Variants in LTN1 observed in about 807,000 individuals in gnomAD.
LTN1 encodes the protein E3 ubiquitin-protein ligase listerin.
Under a neutral mutation model 201.2 loss-of-function variants are expected in LTN1, and 88 were observed. The observed-to-expected ratio is 0.44, with a 90% CI of 0.37 to 0.52. The LOEUF is 0.52. Ranked by LOEUF, LTN1 falls within the 20% of genes least tolerant of loss-of-function variation. The pLI, the probability that LTN1 is intolerant of heterozygous loss-of-function variation, is 0.00. For missense variants in LTN1, 1,752 were observed against 2,038.7 expected (o/e 0.86, Z 2.71); for synonymous variants, 645 against 713.5 (o/e 0.90, Z 1.53).
In LTN1 at chr21:28,989,798, T is replaced by A. The variant is rs1045042398; in HGVS notation, c.43-2864A>T. Among the ~76,000 whole-genome samples, 4 of 152,064 alleles carry A rather than the reference T, an allele frequency of 2.6e-5. No individual in the cohort carries two copies. The South Asian group carries it at 8.3e-4, about 32-fold the overall frequency. On this transcript the variant is annotated intron_variant, in intron 1 of 29. Coordinates refer to ENST00000361371, the MANE Select transcript of LTN1 (RefSeq NM_015565.3). Reference sequence around the variant, plus strand: ...TGAGCGTATCTTTGGGCAGATCACTTCAGGCCAAGAGTTTGAGACCAGCCT... The same window carrying A: ...TGAGCGTATCTTTGGGCAGATCACTACAGGCCAAGAGTTTGAGACCAGCCT...
intron 1 of LTN1, among the ~76,000 whole-genome samples, chr21:28,989,034 A>G (rs2084724606): frequency 6.6e-6 from 1 of 152,094 alleles, no homozygotes; most frequent in Non-Finnish European, 1.5e-5. Context: ...CTATTTTTTA[A>G]GTTTATTAAA....
In LTN1 at chr21:28,986,528, T is replaced by TA; in HGVS notation, c.246+202dup. ...ATACAGCCAAAATTCCAAAGCACTT[T>TA]AAAAAAGTTCACTGTAACAAACTAA... On this transcript the variant is annotated intron_variant, in intron 2 of 29. Transcript: ENST00000361371. This position sits in a 1 kb window ranked among gnomAD's most constrained non-coding sequence, Gnocchi z 4.1. 1 of 655,492 alleles carries TA rather than the reference T, an allele frequency of 1.5e-6. No individual in the cohort carries two copies. The highest frequency in any genetic ancestry group is 2.7e-6 in the Non-Finnish European group (1 of 376,874). The allele number at this position is 655,492 out of a possible 1,614,324, so 40.6% of individuals were successfully genotyped here.
intron 21 of LTN1, 39 bp downstream of exon 21, chr21:28,945,768 A>G (rs1250609138): frequency 1.3e-6 from 2 of 1,571,252 alleles, no homozygotes; most frequent in Non-Finnish European, 1.7e-6. Flanking sequence ...AGTATGTACA[A>G]AAACCCACAA....
chr21:28,965,071 A>G (rs72635062), intron 11 of LTN1, among the ~76,000 whole-genome samples: 15,739 of 152,226 alleles, frequency 0.1, 1,131 homozygotes, highest in East Asian at 0.33. Flanking sequence ...AAACTGCACA[A>G]CGATGTAAAT....
At chr21:28,943,112 T>C (rs1002258007) in intron 24 of LTN1, 150 bp downstream of exon 24, 10 of 501,222 alleles carry the variant, frequency 2.0e-5, no homozygotes, top group Non-Finnish European at 3.6e-5. Flanking sequence ...GAAATCTATA[T>C]TTCATTTATA....
chr21:28,966,874 A>G lies in LTN1; in HGVS notation c.1617T>C (p.Val539=), dbSNP rs780038891. 2.1e-5 allele frequency: 34 copies of G among 1,608,616 alleles called. No individual in the cohort carries two copies. The highest frequency in any genetic ancestry group is 1.7e-5 in the Admixed American group (1 of 59,356). The change falls in exon 10 of 30, where the codon GTT becomes GTC. Residue 539 remains valine (V), a synonymous_variant. Transcript: ENST00000361371. ...TTTCAAGTATCTCATCAGCAAATCT[A>G]ACCTTACCATTTTTTTTTTTACTTG... ...LKSSKKKNGK[V]RFADEILESN...
chr21:28,936,833 T>C, intron 25 of LTN1, 136 bp from the exon 26 acceptor site: 1 of 653,510 alleles, frequency 1.5e-6, no homozygotes, highest in Non-Finnish European at 2.7e-6. Context: ...TGTAACACAT[T>C]TCTAATATCT....
chr21:28,953,612 T>C (rs887116615), intron 16 of LTN1, among the ~76,000 whole-genome samples: 1 of 152,166 alleles, frequency 6.6e-6, no homozygotes, highest in African/African-American at 2.4e-5. Flanking sequence ...TTCTAATTAG[T>C]TAAGAATGTG....
intron 17 of LTN1, among the ~76,000 whole-genome samples, chr21:28,952,559 G>A (rs761506987): frequency 6.6e-6 from 1 of 152,166 alleles, no homozygotes; most frequent in Non-Finnish European, 1.5e-5. Flanking sequence ...GAAGACCAGA[G>A]GCTGTAGCTG....
chr21:28,983,725 T>G (rs980608704), intron 4 of LTN1, among the ~76,000 whole-genome samples: 2 of 152,268 alleles, frequency 1.3e-5, no homozygotes, highest in Admixed American at 6.5e-5. Flanking sequence ...CAGATGGAAA[T>G]GTTTAAGTAG....
chr21:28,964,780 G>T (rs1266461302), intron 11 of LTN1: 1 of 1,547,766 alleles, frequency 6.5e-7, no homozygotes, highest in Admixed American at 2.0e-5. Flanking sequence ...AGTTGGAAAT[G>T]GATACATTAG....
chr21:28,932,968 G>A (rs1342335552), intron 27 of LTN1, among the ~76,000 whole-genome samples: 2 of 152,116 alleles, frequency 1.3e-5, no homozygotes, highest in Non-Finnish European at 2.9e-5. Context: ...GTGACAGAAT[G>A]GGTTATTATG....
chr21:28,974,596 A>G (rs748964791), intron 6 of LTN1, among the ~76,000 whole-genome samples: 1 of 152,214 alleles, frequency 6.6e-6, no homozygotes, highest in Non-Finnish European at 1.5e-5. Context: ...CTACAACTTC[A>G]GTAGAAAGAC....
intron 12 of LTN1, among the ~76,000 whole-genome samples, chr21:28,960,299 G>T (rs530222484): frequency 6.6e-6 from 1 of 150,798 alleles, no homozygotes; most frequent in Non-Finnish European, 1.5e-5. Flanking sequence ...CTCAGATGTT[G>T]TAAGCCAAGA....
At chr21:28,953,690 T>C (rs1032527896) in intron 16 of LTN1, among the ~76,000 whole-genome samples, 2 of 152,116 alleles carry the variant, frequency 1.3e-5, no homozygotes, top group Non-Finnish European at 2.9e-5. Context: ...TGGTAAAAAG[T>C]TCCAGACAGG....
chr21:28,982,180 G>A, intron 5 of LTN1, 136 bp downstream of exon 5: 1 of 678,034 alleles, frequency 1.5e-6, no homozygotes, highest in South Asian at 1.8e-5. Flanking sequence ...CTGCGCCACT[G>A]CAATCCAGCC....
rs2084337439 is a variant in LTN1 at position 28,946,273 on chromosome 21, G to C, written c.3502C>G (p.Leu1168Val). The change falls in exon 20 of 30, where the codon CTT (leucine) becomes GTT (valine). Residue 1168 changes from leucine to valine, a missense_variant. Transcript: ENST00000361371. ...TGCAGACAAGAATTGAAAATGGCAA[G>C]ATGTCCAAAACCTCCTAAAGTAAAA... Reference protein sequence around the residue: ...LCSTNGGFGHLAIFNSCLQTK... With the variant: ...LCSTNGGFGHVAIFNSCLQTK... 4 of 1,574,342 alleles carry C rather than the reference G, an allele frequency of 2.5e-6. No individual in the cohort carries two copies. The South Asian group carries it at 3.6e-5, about 14-fold the overall frequency.
chr21:28,951,583 G>GA (rs1256346331), intron 18 of LTN1, among the ~76,000 whole-genome samples: 2 of 151,656 alleles, frequency 1.3e-5, no homozygotes, highest in African/African-American at 4.8e-5. Context: ...CTGGGGAAAA[G>GA]AAAACAAGTT....
At position 28,931,327 on chromosome 21, in the gene LTN1, TAAC is replaced by T; in HGVS notation, c.5071-8_5071-6del. 3 of 1,566,178 alleles carry T rather than the reference TAAC, an allele frequency of 1.9e-6. No homozygotes were observed. The highest frequency in any genetic ancestry group is 2.6e-6 in the Non-Finnish European group (3 of 1,154,088). On this transcript the variant is annotated splice_polypyrimidine_tract_variant and splice_region_variant and intron_variant, in intron 28 of 29. Coordinates refer to ENST00000361371, the MANE Select transcript of LTN1 (RefSeq NM_015565.3). ...GCCTTCCATAATACTTCCATTCTGT[TAAC>T]AAGAAGAAAAATAAGTCACTACACA...
Sources: allele counts gnomAD v4.1 joint callset (sites outside exome capture counted in the v4.1 genomes callset), GRCh38; gene constraint gnomAD v4.1.1; non-coding constraint Gnocchi (gnomAD v3.1); transcripts MANE v1.5; gene names NCBI Gene and HGNC (gene_info 2026-07-23, HGNC 2026-07-21).